CCDC146: variants seen among roughly 807,000 people sequenced by gnomAD.
CCDC146 encodes coiled-coil domain containing 146.
CCDC146 carries 92 observed loss-of-function variants against 119.3 expected under a neutral mutation model. That is an observed-to-expected ratio of 0.77 (90% CI 0.65 to 0.92). CCDC146 has a LOEUF of 0.92. CCDC146 is among the 40% of genes least tolerant of loss of function. The pLI, the probability that CCDC146 is intolerant of heterozygous loss-of-function variation, is 0.00. For synonymous variants in CCDC146, 372 were observed against 371.8 expected (o/e 1.00, Z -0.01); for missense variants, 1,000 against 1,103.0 (o/e 0.91, Z 1.32).
At chr7:77,147,838 A>G (rs552596394) in intron 1 of CCDC146, among the ~76,000 whole-genome samples, 30 of 152,308 alleles carry the variant, frequency 2.0e-4, no homozygotes, top group South Asian at 6.2e-4. Flanking sequence ...ATGCCTCCCA[A>G]TTAGGCTACT....
chr7:77,236,211 G>T (rs960282220), intron 2 of CCDC146, among the ~76,000 whole-genome samples: 2 of 152,170 alleles, frequency 1.3e-5, no homozygotes, highest in African/African-American at 4.8e-5. Flanking sequence ...TTTTAGGATG[G>T]TAAAACTTTA....
intron 14 of CCDC146, 165 bp from the exon 15 acceptor site, chr7:77,282,392 A>C (rs1259367970): frequency 1.7e-6 from 1 of 591,122 alleles, no homozygotes; most frequent in Non-Finnish European, 3.0e-6. Flanking sequence ...AGAATTCCAA[A>C]GTGTGGATGT....
At chr7:77,288,878 A>G (rs900639987) in intron 17 of CCDC146, among the ~76,000 whole-genome samples, 18 of 152,230 alleles carry the variant, frequency 1.2e-4, no homozygotes, top group African/African-American at 3.9e-4. Context: ...ACTCTAGAAA[A>G]ACACTTCAAG....
chr7:77,261,806 C>T (rs891896040), intron 8 of CCDC146, among the ~76,000 whole-genome samples: 1 of 152,240 alleles, frequency 6.6e-6, no homozygotes, highest in East Asian at 1.9e-4. Flanking sequence ...GCATAATAGT[C>T]TGTGGCATAT....
At chr7:77,180,529 C>T (rs976939256) in intron 2 of CCDC146, among the ~76,000 whole-genome samples, 4 of 152,066 alleles carry the variant, frequency 2.6e-5, no homozygotes, top group Admixed American at 6.6e-5. Flanking sequence ...TGAGACCCCA[C>T]CTTTACAAAA....
At chr7:77,290,830 T>A (rs998966721) in intron 17 of CCDC146, among the ~76,000 whole-genome samples, 4 of 152,222 alleles carry the variant, frequency 2.6e-5, no homozygotes, top group African/African-American at 9.6e-5. Flanking sequence ...GGTAAATCAC[T>A]AGCAGCAACA....
intron 1 of CCDC146, among the ~76,000 whole-genome samples, chr7:77,124,843 G>A (rs182765846): frequency 1.1e-4 from 16 of 152,290 alleles, no homozygotes; most frequent in Non-Finnish European, 1.8e-4. Context: ...AATTAGGGAT[G>A]CTCAAGGAAT....
chr7:77,254,053 G>A (rs1011387762), intron 4 of CCDC146, among the ~76,000 whole-genome samples: 1 of 152,128 alleles, frequency 6.6e-6, no homozygotes, highest in African/African-American at 2.4e-5. Context: ...GAAGTGAAGT[G>A]ATCTTATTTA....
intron 1 of CCDC146, among the ~76,000 whole-genome samples, chr7:77,142,486 A>C (rs1181356198): frequency 6.6e-6 from 1 of 151,870 alleles, no homozygotes; most frequent in Non-Finnish European, 1.5e-5. Context: ...ATCTGTATAC[A>C]TGTGCCATGT....
chr7:77,292,632 A>G (rs891544678), intron 17 of CCDC146, among the ~76,000 whole-genome samples: 65 of 151,598 alleles, frequency 4.3e-4, no homozygotes, highest in Non-Finnish European at 3.1e-4. Context: ...AAAAAAAAAA[A>G]AAAGAACATC....
chr7:77,210,163 T>C (rs1368468209), intron 2 of CCDC146, among the ~76,000 whole-genome samples: 2 of 152,254 alleles, frequency 1.3e-5, no homozygotes, highest in Non-Finnish European at 2.9e-5. Context: ...TATGCTCTTC[T>C]TCCCTTTTAA....
chr7:77,217,318 A>T (rs1792317815), intron 2 of CCDC146, among the ~76,000 whole-genome samples: 1 of 146,606 alleles, frequency 6.8e-6, no homozygotes, highest in Non-Finnish European at 1.5e-5. Flanking sequence ...AACCAGGTGA[A>T]TGACATTTTC....
At chr7:77,294,463 GGTGT>G (rs61323999) in intron 18 of CCDC146, among the ~76,000 whole-genome samples, 196 bp from the exon 19 acceptor site, 14,314 of 134,114 alleles carry the variant, frequency 0.11, 778 homozygotes, top group South Asian at 0.18. Flanking sequence ...ATGAGAGGTA[GGTGT>G]GTGTGTGTGT....
At chr7:77,164,495 A>G (rs1223722688) in intron 1 of CCDC146, among the ~76,000 whole-genome samples, 1 of 152,232 alleles carries the variant, frequency 6.6e-6, no homozygotes, top group Non-Finnish European at 1.5e-5. Flanking sequence ...TTAACATCAC[A>G]TAACAACAGA....
At chr7:77,277,734 A>G (rs1254545015) in intron 11 of CCDC146, among the ~76,000 whole-genome samples, 1 of 152,188 alleles carries the variant, frequency 6.6e-6, no homozygotes, top group Non-Finnish European at 1.5e-5. Flanking sequence ...AGCATTAGAA[A>G]AATGCTACAC....
At chr7:77,225,207 A>T (rs537184882) in intron 2 of CCDC146, among the ~76,000 whole-genome samples, 2 of 152,324 alleles carry the variant, frequency 1.3e-5, no homozygotes, top group South Asian at 4.1e-4. Flanking sequence ...GAAGAGACTG[A>T]GGCAAGGACT....
chr7:77,282,781 T>C lies in CCDC146; in HGVS notation c.2144T>C (p.Ile715Thr). ...SLDADLAVLQ[I>T]QFSQCTDRIK... ...GATGCCGACCTAGCTGTGCTCCAAA[T>C]TCAGGTGGGTGAGTGATCACGGGAC... is the stretch of plus-strand genomic sequence containing the variant. Residue 715 changes from isoleucine (I) to threonine (T), a missense_variant, in exon 15 of 19, where the codon ATT becomes ACT. Transcript: ENST00000285871. The C allele has an allele frequency of 1.2e-6, 2 of 1,611,038 alleles. No individual in the cohort carries two copies. The highest frequency in any genetic ancestry group is 1.7e-6 in the Non-Finnish European group (2 of 1,177,402).
At chr7:77,248,742 A>G (rs572588322) in intron 4 of CCDC146, among the ~76,000 whole-genome samples, 1 of 152,386 alleles carries the variant, frequency 6.6e-6, no homozygotes, top group East Asian at 1.9e-4. Flanking sequence ...ACGCAATTAT[A>G]TCGAACTCAT....
intron 2 of CCDC146, among the ~76,000 whole-genome samples, chr7:77,179,985 G>A (rs1053873365): frequency 6.6e-6 from 1 of 152,028 alleles, no homozygotes; most frequent in Admixed American, 6.6e-5. Context: ...TGTCATCAAG[G>A]TTGGTTCATG....
Sources: allele counts gnomAD v4.1 joint callset (sites outside exome capture counted in the v4.1 genomes callset), GRCh38; gene constraint gnomAD v4.1.1; transcripts MANE v1.5; gene names NCBI Gene and HGNC (gene_info 2026-07-23, HGNC 2026-07-21).